The following TTI1 variants were observed in gnomAD, a reference collection of about 807,000 sequenced individuals.
TTI1 encodes TELO2-interacting protein 1 homolog.
TTI1 carries 52 observed loss-of-function variants against 85.4 expected under a neutral mutation model. The ratio of observed to expected loss-of-function variants is 0.61; its 90% CI spans 0.49 to 0.77. TTI1 has a LOEUF of 0.77. Among genes scored for constraint, TTI1 ranks in the 30% least tolerant of loss-of-function variants. TTI1 has a pLI of 0.00. For synonymous variants in TTI1, 512 were observed against 503.9 expected (o/e 1.02, Z -0.22); for missense variants, 1,173 against 1,296.0 (o/e 0.91, Z 1.46).
chr20:38,003,946 T>C (rs1333956371), intron 3 of TTI1, among the ~76,000 whole-genome samples: 1 of 152,148 alleles, frequency 6.6e-6, no homozygotes, highest in East Asian at 1.9e-4. Context: ...GAATCAAACC[T>C]TACTTATCTT....
rs755080340 is a variant in TTI1, at chr20:38,011,626, G to A, written c.2191C>T (p.Leu731Phe). The A allele has an allele frequency of 6.2e-7, 1 of 1,614,238 alleles. No homozygotes were observed. Among genetic ancestry groups the A allele is most frequent in the Non-Finnish European group, 8.5e-7 (1 of 1,180,042 alleles). The change falls in exon 2 of 8, where the codon CTT becomes TTT. Residue 731 changes from leucine (L) to phenylalanine (F), a missense_variant. Coordinates refer to ENST00000373447, the MANE Select transcript of TTI1 (RefSeq NM_001303457.2). Reference sequence around the variant, plus strand: ...TGAACCACATCTGCCACCAAAGGAAGCAGGTTAGCATCTGAGTTCCGCAGC... The same window carrying A: ...TGAACCACATCTGCCACCAAAGGAAACAGGTTAGCATCTGAGTTCCGCAGC... ...VMLRNSDANL[L>F]PLVADVVQDV...
intron 2 of TTI1, among the ~76,000 whole-genome samples, chr20:38,010,059 G>A (rs560018194): frequency 8.8e-4 from 134 of 152,202 alleles, no homozygotes; most frequent in African/African-American, 3.0e-3. Context: ...GAGTTTATTC[G>A]TCTTTTTCTC....
Position 38,002,804 on chromosome 20 carries a change from T to C in TTI1, c.2504-28A>G, listed in dbSNP as rs200345508. Reference sequence around the variant, plus strand: ...GGAAAAAGAGCACAACTGGGGGCAGTGTTGTATGAGTGATAAAACAGAGAT... The same window carrying C: ...GGAAAAAGAGCACAACTGGGGGCAGCGTTGTATGAGTGATAAAACAGAGAT... On this transcript the variant is annotated intron_variant, in intron 3 of 7. Transcript: ENST00000373447. 2.9e-3 allele frequency: 4,610 copies of C among 1,610,982 alleles called. 45 individuals carry two copies. Among genetic ancestry groups the C allele is most frequent in the Non-Finnish European group, 2.0e-3 (2,300 of 1,177,860 alleles).
intron 1 of TTI1, among the ~76,000 whole-genome samples, chr20:38,025,884 T>C (rs1294021698): frequency 1.3e-5 from 2 of 151,952 alleles, no homozygotes; most frequent in Admixed American, 6.6e-5. Context: ...ACAATAGGAA[T>C]TACCCAATCT....
At chr20:38,027,218 T>C (rs889111775) in intron 1 of TTI1, among the ~76,000 whole-genome samples, 3 of 152,226 alleles carry the variant, frequency 2.0e-5, no homozygotes, top group Admixed American at 1.3e-4. Context: ...AAGTCCCTTA[T>C]AGAAAATAGT....
chr20:38,006,393 C>T lies in TTI1; in HGVS notation c.2307G>A (p.Gln769=), dbSNP rs537267208. ...VLHALMAALA[Q]WFPDTGNLGH... ...CAAGATTACCTGTGTCTGGGAACCA[C>T]TGGGCTGTAAATAAAGTGTTACAAT... Residue 769 remains glutamine (Q), a synonymous_variant, in exon 3 of 8, where the codon CAG becomes CAA. Transcript: ENST00000373447. 271 of 1,614,184 alleles carry T rather than the reference C, an allele frequency of 1.7e-4. 4 individuals carry two copies. The South Asian group carries it at 2.7e-3, about 16-fold the overall frequency.
chr20:38,013,532 T>A lies in TTI1; in HGVS notation c.285A>T (p.Glu95Asp). The change falls in exon 2 of 8, where the codon GAA (glutamate) becomes GAT (aspartate). Residue 95 changes from glutamate (E) to aspartate (D), a missense_variant. Coordinates refer to ENST00000373447, the MANE Select transcript of TTI1 (RefSeq NM_001303457.2). Reference sequence around the variant, plus strand: ...GACAAGCAGAGAGTTCTGAAAAGAGTTCCTGGAGAAGCTCCTGTTCTTTCA... The same window carrying A: ...GACAAGCAGAGAGTTCTGAAAAGAGATCCTGGAGAAGCTCCTGTTCTTTCA... ...TCVKEQELLQELFSELSACLY... is the reference protein window; with the variant it reads ...TCVKEQELLQDLFSELSACLY... The A allele has an allele frequency of 6.2e-7, 1 of 1,613,844 alleles. No individual in the cohort carries two copies. Among genetic ancestry groups the A allele is most frequent in the South Asian group, 1.1e-5 (1 of 91,062 alleles).
intron 3 of TTI1, among the ~76,000 whole-genome samples, chr20:38,003,700 C>T (rs1364903382): frequency 2.0e-5 from 3 of 150,510 alleles, no homozygotes; most frequent in South Asian, 2.1e-4. Flanking sequence ...TGCAATGAGC[C>T]GAGATCGTGC....
rs2073588947 is a variant in TTI1, at chr20:38,011,571, T to G, written c.2246A>C (p.Tyr749Ser). The G allele has an allele frequency of 1.2e-6, 2 of 1,614,110 alleles. No individual in the cohort carries two copies. Among genetic ancestry groups the G allele is most frequent in the Non-Finnish European group, 1.7e-6 (2 of 1,180,042 alleles). ...QDVLATLDQF[Y>S]DKRAASFVSV... ...GACAAAGGAAGCAGCTCTCTTATCG[T>G]AAAATTGGTCCAGGGTGGCCAAGAC... is the stretch of plus-strand genomic sequence containing the variant. Residue 749 changes from tyrosine (Y) to serine (S), a missense_variant, in exon 2 of 8, where the codon TAC becomes TCC. Physicochemically the swap from Tyr to Ser is moderately radical, Grantham distance 144 (BLOSUM62 -2). Transcript: ENST00000373447.
chr20:38,012,377 A>G lies in TTI1; in HGVS notation c.1440T>C (p.Thr480=). 1 of 1,614,222 alleles carries G rather than the reference A, an allele frequency of 6.2e-7. No homozygotes were observed. The highest frequency in any genetic ancestry group is 2.2e-5 in the East Asian group (1 of 44,894). ...RIQRRYFRFF[T]DERIFMLLRQ... ...TCAAGAGCATGAAGATTCTCTCATCAGTGAAGAAGCGGAAATATCTCCTCT... is the reference window on the plus strand; with the variant it reads ...TCAAGAGCATGAAGATTCTCTCATCGGTGAAGAAGCGGAAATATCTCCTCT... Residue 480 remains threonine (T), a synonymous_variant, in exon 2 of 8, where the codon ACT becomes ACC. Coordinates refer to ENST00000373447, the MANE Select transcript of TTI1 (RefSeq NM_001303457.2).
chr20:37,991,132 G>T (rs1274233224), intron 7 of TTI1, among the ~76,000 whole-genome samples: 1 of 152,208 alleles, frequency 6.6e-6, no homozygotes, highest in Non-Finnish European at 1.5e-5. Context: ...AACCAGCAAT[G>T]CCTGTCAAAA....
chr20:37,986,053 C>T (rs545005752), intron 7 of TTI1, among the ~76,000 whole-genome samples: 1 of 152,200 alleles, frequency 6.6e-6, no homozygotes, highest in South Asian at 2.1e-4. Flanking sequence ...TATGAAAAAA[C>T]GCACCAAAAG....
chr20:38,028,038 G>A (rs1021368800), intron 1 of TTI1, among the ~76,000 whole-genome samples: 12 of 152,186 alleles, frequency 7.9e-5, no homozygotes, highest in African/African-American at 2.9e-4. Flanking sequence ...TGAGGAGGAG[G>A]TGGGTTGGCA....
In TTI1 at chr20:38,006,135, C is replaced by A; in HGVS notation, c.2503+62G>T. 3.2e-6 allele frequency: 5 copies of A among 1,580,378 alleles called. No individual in the cohort carries two copies. In the South Asian group the frequency reaches 5.6e-5, roughly 18 times the overall value. ...CTACCCTTTCTGTAATGATGTTTCA[C>A]CATTTTTACAATAATCTGTTTCAGA... On this transcript the variant is annotated intron_variant, in intron 3 of 7. Coordinates refer to ENST00000373447, the MANE Select transcript of TTI1 (RefSeq NM_001303457.2).
chr20:38,018,634 T>G (rs1205424858), intron 1 of TTI1, among the ~76,000 whole-genome samples: 1 of 151,998 alleles, frequency 6.6e-6, no homozygotes, highest in Admixed American at 6.6e-5. Flanking sequence ...CACACAGACA[T>G]CATAGTCAAA....
chr20:37,988,087 G>A (rs922644521), intron 7 of TTI1, among the ~76,000 whole-genome samples: 1 of 152,198 alleles, frequency 6.6e-6, no homozygotes, highest in Non-Finnish European at 1.5e-5. Context: ...AAAGAGAGAG[G>A]GACAAAAAAG....
chr20:38,013,597 C>T lies in TTI1; in HGVS notation c.220G>A (p.Val74Met), dbSNP rs1279794693. Residue 74 changes from valine to methionine, a missense_variant, in exon 2 of 8, where the codon GTG becomes ATG. Transcript: ENST00000373447. ...GPKRERLIQS[V>M]VECLTFVLSS... ...AGGACAAATGTGAGGCATTCCACCA[C>T]ACTTTGGATCAAACGCTCTCTTTTG... 5.6e-6 allele frequency: 9 copies of T among 1,614,222 alleles called. No individual in the cohort carries two copies. Among genetic ancestry groups the T allele is most frequent in the South Asian group, 1.1e-5 (1 of 91,086 alleles).
At position 38,011,765 on chromosome 20, in the gene TTI1, G is replaced by A. The variant is rs201206099; in HGVS notation, c.2052C>T (p.Tyr684=). The change falls in exon 2 of 8, where the codon TAC becomes TAT. Residue 684 remains tyrosine, a synonymous_variant. Coordinates refer to ENST00000373447, the MANE Select transcript of TTI1 (RefSeq NM_001303457.2). The part of the protein sequence containing the change: ...TMMDVCRACG[Y]DSLQHLINQN... Reference sequence around the variant, plus strand: ...GATTGATCAGGTGCTGCAGGGAGTCGTAGCCACAAGCACGGCAAACGTCCA... The same window carrying A: ...GATTGATCAGGTGCTGCAGGGAGTCATAGCCACAAGCACGGCAAACGTCCA... 1.1e-4 allele frequency: 176 copies of A among 1,614,038 alleles called. No homozygotes were observed. Among genetic ancestry groups the A allele is most frequent in the South Asian group, 1.6e-4 (15 of 91,094 alleles).
rs1185186648 is a variant in TTI1 at position 38,012,178 on chromosome 20, T to G, written c.1639A>C (p.Lys547Gln). Residue 547 changes from lysine (K) to glutamine (Q), a missense_variant, in exon 2 of 8, where the codon AAA becomes CAA. By Grantham distance (53) the Lys-to-Gln change is moderately conservative. Transcript: ENST00000373447. The stretch of plus-strand genomic sequence containing the variant: ...TCTCTCAGTTCTTCTGGGTTTGTTT[T>G]AATATGTTTTTCGTGAAGATCCTCA... Reference protein sequence around the residue: ...EVEDLHEKHIKTNPEELREIV... With the variant: ...EVEDLHEKHIQTNPEELREIV... The G allele has an allele frequency of 1.9e-6, 3 of 1,614,090 alleles. No homozygotes were observed. In the African/African-American group the frequency reaches 4.0e-5, roughly 22 times the overall value.
Sources: allele counts gnomAD v4.1 joint callset (sites outside exome capture counted in the v4.1 genomes callset), GRCh38; gene constraint gnomAD v4.1.1; transcripts MANE v1.5; gene names NCBI Gene and HGNC (gene_info 2026-07-23, HGNC 2026-07-21).